The following SSTR3 variants were observed in gnomAD, a reference collection of about 807,000 sequenced individuals.
The protein encoded by SSTR3 is somatostatin receptor type 3.
For missense variants in SSTR3, 504 were observed against 604.7 expected, an observed-to-expected ratio of 0.83 and a Z score of 1.75; for synonymous variants, 281 against 269.2, an observed-to-expected ratio of 1.04 and a Z score of -0.43.
At chr22:37,216,368 C>T (rs983751414), upstream of SSTR3, among the ~76,000 whole-genome samples, 4 of 152,154 alleles carry the variant, frequency 2.6e-5, no homozygotes, top group African/African-American at 9.7e-5. Flanking sequence ...GCACTCTCAC[C>T]CCTTCTCCCC....
rs1286400150 is a variant in SSTR3, at chr22:37,207,271, A to G, written c.533T>C (p.Val178Ala). ...WVASAVVVLP[V>A]VVFSGVPRGM... ...GCGGGGCACTCCCGAGAAGACCACC[A>G]CGGGCAGCACCACCACGGCTGAGGC... The change falls in exon 2 of 2, where the codon GTG (valine) becomes GCG (alanine). Residue 178 changes from valine to alanine, a missense_variant. Transcript: ENST00000610913. 1 of 1,596,898 alleles carries G rather than the reference A, an allele frequency of 6.3e-7. No homozygotes were observed. The highest frequency in any genetic ancestry group is 2.2e-5 in the East Asian group (1 of 44,644).
Position 37,207,297 on chromosome 22 carries a change from C to T in SSTR3, c.507G>A (p.Val169=). 1 of 1,592,464 alleles carries T rather than the reference C, an allele frequency of 6.3e-7. No homozygotes were observed. Among genetic ancestry groups the T allele is most frequent in the Non-Finnish European group, 8.6e-7 (1 of 1,168,310 alleles). The change falls in exon 2 of 2, where the codon GTG becomes GTA. Residue 169 remains valine, a synonymous_variant. Coordinates refer to ENST00000610913, the MANE Select transcript of SSTR3 (RefSeq NM_001051.5). ...VARTVSAAVW[V]ASAVVVLPVV... is the part of the protein sequence containing the mutation. ...CGGGCAGCACCACCACGGCTGAGGC[C>T]ACCCACACAGCCGCGCTGACCGTGC... is the stretch of plus-strand genomic sequence containing the variant.
chr22:37,206,688 G>A lies in SSTR3; in HGVS notation c.1116C>T (p.Gly372=), dbSNP rs746621461. ...REGGKGKEMN[G]RVSQITQPGT... The stretch of plus-strand genomic sequence containing the variant: ...CAGGCTGCGTGATCTGGCTGACCCG[G>A]CCGTTCATCTCCTTCCCCTTGCCCC... Residue 372 remains glycine (G), a synonymous_variant, in exon 2 of 2, where the codon GGC becomes GGT. Coordinates refer to ENST00000610913, the MANE Select transcript of SSTR3 (RefSeq NM_001051.5). The A allele has an allele frequency of 6.2e-7, 1 of 1,609,072 alleles. No individual in the cohort carries two copies.
chr22:37,218,091 A>AACC, the SSTR3 span, among the ~76,000 whole-genome samples: 1 of 152,320 alleles, frequency 6.6e-6, no homozygotes, highest in African/African-American at 2.4e-5. Flanking sequence ...CAAGGATGGC[A>AACC]ATGATGGTTT....
In SSTR3 at chr22:37,207,272, C is replaced by A. The variant is rs201631765; in HGVS notation, c.532G>T (p.Val178Leu). ...CGGGGCACTCCCGAGAAGACCACCA[C>A]GGGCAGCACCACCACGGCTGAGGCC... is the stretch of plus-strand genomic sequence containing the variant. ...WVASAVVVLP[V>L]VVFSGVPRGM... Residue 178 changes from valine to leucine, a missense_variant, in exon 2 of 2, where the codon GTG becomes TTG. By Grantham distance (32) the Val-to-Leu change is conservative. Transcript: ENST00000610913. The A allele has an allele frequency of 6.3e-7, 1 of 1,596,432 alleles. No individual in the cohort carries two copies. Among genetic ancestry groups the A allele is most frequent in the Non-Finnish European group, 8.5e-7 (1 of 1,170,462 alleles).
upstream of SSTR3, among the ~76,000 whole-genome samples, chr22:37,213,149 G>T (rs4821602): frequency 0.49 from 73,881 of 151,990 alleles, 18,423 homozygotes; most frequent in East Asian, 0.75. Flanking sequence ...ATGTTCATCC[G>T]TAAAAACCAT....
chr22:37,207,881 T>C, intron 1 of SSTR3, 42 bp from the exon 2 acceptor site: 1 of 1,424,660 alleles, frequency 7.0e-7, no homozygotes, highest in Non-Finnish European at 9.1e-7. Flanking sequence ...AGAGAATGGC[T>C]TTCTCTGTGC....
chr22:37,214,946 A>G (rs539411216), upstream of SSTR3, among the ~76,000 whole-genome samples: 6 of 151,718 alleles, frequency 4.0e-5, no homozygotes, highest in African/African-American at 1.2e-4. Flanking sequence ...CCCCCTCTTC[A>G]CCTTCAGCCT....
rs1304636820 is a variant in SSTR3 at position 37,207,756 on chromosome 22, C to T, written c.48G>A (p.Glu16=). Residue 16 remains glutamate, a synonymous_variant, in exon 2 of 2, where the codon GAG becomes GAA. Transcript: ENST00000610913. ...PSSVSTTSEP[E]NASSAWPPDA... ...CTGGGGGCCAGGCCGAGGAGGCATTCTCAGGTTCTGAGGTCGTGGACACCG... is the reference window on the plus strand; with the variant it reads ...CTGGGGGCCAGGCCGAGGAGGCATTTTCAGGTTCTGAGGTCGTGGACACCG... 1 of 1,519,804 alleles carries T rather than the reference C, an allele frequency of 6.6e-7. No homozygotes were observed. The highest frequency in any genetic ancestry group is 1.4e-5 in the African/African-American group (1 of 71,866). 94.1% of individuals were successfully genotyped at this position (1,519,804 alleles called of 1,614,324 possible).
rs1601650687 is a variant in SSTR3 at position 37,206,447 on chromosome 22, C to T, written c.*100G>A. The T allele has an allele frequency of 6.7e-7, 1 of 1,490,856 alleles. No homozygotes were observed. The highest frequency in any genetic ancestry group is 8.9e-7 in the Non-Finnish European group (1 of 1,126,000). 92.4% of individuals were successfully genotyped at this position (1,490,856 alleles called of 1,614,324 possible). A position where few individuals can be genotyped will look rare whatever the true frequency, so the allele number is the denominator to read the frequency against. On this transcript the variant is annotated 3_prime_UTR_variant, in exon 2 of 2. Coordinates refer to ENST00000610913, the MANE Select transcript of SSTR3 (RefSeq NM_001051.5). ...CAATAGCATCAAAGTCCAGGCCCCTCAACATCCCATCATGGGCCTGTGGCA... is the reference window on the plus strand; with the variant it reads ...CAATAGCATCAAAGTCCAGGCCCCTTAACATCCCATCATGGGCCTGTGGCA...
chr22:37,214,976 T>C (rs1481025788), upstream of SSTR3, among the ~76,000 whole-genome samples: 1 of 152,194 alleles, frequency 6.6e-6, no homozygotes, highest in Non-Finnish European at 1.5e-5. Context: ...TCCCCTGCTC[T>C]GGCAGCCTTC....
rs8142566 is a variant in SSTR3 at position 37,208,223 on chromosome 22, G to A, written c.-36-384C>T. Among the ~76,000 whole-genome samples the A allele has an allele frequency of 7.0e-3, 1,069 of 152,260 alleles. 10 individuals carry two copies. The highest frequency in any genetic ancestry group is 0.025 in the African/African-American group (1,023 of 41,536). ...GGTTGCATTGCCACCAACAGGTCTC[G>A]CCCTCACATCTGAAAAACACTGCTT... On this transcript the variant is annotated intron_variant, in intron 1 of 1. Coordinates refer to ENST00000610913, the MANE Select transcript of SSTR3 (RefSeq NM_001051.5).
At position 37,206,572 on chromosome 22, in the gene SSTR3, C is replaced by G. The variant is rs229568; in HGVS notation, c.1232G>C (p.Ser411Thr). 18,294 of 1,611,462 alleles carry G rather than the reference C, an allele frequency of 0.011. 1,691 individuals carry two copies. In the African/African-American group the frequency reaches 0.21, roughly 18 times the overall value. The part of the protein sequence containing the change: ...PQEASTGEKS[S>T]TMRISYL ...CTACAGGTAGCTGATGCGCATCGTG[C>G]TGGACTTCTCCCCAGTGGAAGCCTC... Residue 411 changes from serine to threonine, a missense_variant, in exon 2 of 2, where the codon AGC becomes ACC. Transcript: ENST00000610913.
chr22:37,205,229 G>C lies in SSTR3; in HGVS notation c.*1318C>G, dbSNP rs978865712. On this transcript the variant is annotated 3_prime_UTR_variant, in exon 2 of 2. Transcript: ENST00000610913. ...CAGCACTCTGAGGCCCCTCAGGGAC[G>C]CAGGCCCTGTGCCTGTCTGTACTCT... 1 of 152,512 alleles carries C rather than the reference G, an allele frequency of 6.6e-6. No individual in the cohort carries two copies. The highest frequency in any genetic ancestry group is 1.9e-4 in the East Asian group (1 of 5,188). 9.4% of individuals were successfully genotyped at this position (152,512 alleles called of 1,614,324 possible). A position where few individuals can be genotyped will look rare whatever the true frequency, so the allele number is the denominator to read the frequency against.
the SSTR3 span, among the ~76,000 whole-genome samples, chr22:37,218,784 A>G: frequency 6.6e-6 from 1 of 151,962 alleles, no homozygotes; most frequent in Non-Finnish European, 1.5e-5. Context: ...GTGCCTGACC[A>G]CGTAATGGAA....
chr22:37,207,335 C>T lies in SSTR3; in HGVS notation c.469G>A (p.Ala157Thr). The change falls in exon 2 of 2, where the codon GCT becomes ACT. Residue 157 changes from alanine (A) to threonine (T), a missense_variant. By Grantham distance (58) the Ala-to-Thr change is moderately conservative. Coordinates refer to ENST00000610913, the MANE Select transcript of SSTR3 (RefSeq NM_001051.5). ...HPTRSARWRT[A>T]PVARTVSAAV... is the part of the protein sequence containing the mutation. ...GCGCTGACCGTGCGGGCCACCGGAG[C>T]TGTGCGCCAGCGGGCCGAGCGGGTG... The T allele has an allele frequency of 6.2e-7, 1 of 1,601,826 alleles. No homozygotes were observed. The highest frequency in any genetic ancestry group is 8.5e-7 in the Non-Finnish European group (1 of 1,173,740).
chr22:37,215,409 G>A (rs979356205), upstream of SSTR3, among the ~76,000 whole-genome samples: 5 of 151,980 alleles, frequency 3.3e-5, no homozygotes, highest in South Asian at 2.1e-4. Flanking sequence ...TTTTTGAGAC[G>A]GAGTCTCGCG....
chr22:37,206,521 G>A lies in SSTR3; in HGVS notation c.*26C>T, dbSNP rs376759071. 1.0e-5 allele frequency: 16 copies of A among 1,572,548 alleles called. No individual in the cohort carries two copies. Among genetic ancestry groups the A allele is most frequent in the East Asian group, 2.2e-5 (1 of 44,462 alleles). Reference sequence around the variant, plus strand: ...CACCCACGGCTTCTGCCTCTTCCTCGGGCCATCCTGGCTTTCCCCAGGCCC... The same window carrying A: ...CACCCACGGCTTCTGCCTCTTCCTCAGGCCATCCTGGCTTTCCCCAGGCCC... On this transcript the variant is annotated 3_prime_UTR_variant, in exon 2 of 2. Coordinates refer to ENST00000610913, the MANE Select transcript of SSTR3 (RefSeq NM_001051.5).
upstream of SSTR3, among the ~76,000 whole-genome samples, chr22:37,215,366 G>A (rs1216565135): frequency 2.0e-5 from 3 of 152,128 alleles, no homozygotes; most frequent in Admixed American, 6.5e-5. Context: ...ATAGGCATGA[G>A]CCACCTCGCC....
Sources: gnomAD v4.1 joint callset for allele counts (sites outside exome capture counted in the v4.1 genomes callset) on GRCh38, gnomAD v4.1.1 for gene constraint, MANE v1.5 for transcripts, NCBI Gene and HGNC (gene_info 2026-07-23, HGNC 2026-07-21) for gene names.